Variants in RPS6KA5 observed in about 807,000 individuals in gnomAD.
The protein encoded by RPS6KA5 is ribosomal protein S6 kinase alpha-5.
RPS6KA5 carries 27 observed loss-of-function variants against 85.5 expected under a neutral mutation model. The observed-to-expected ratio is 0.32, with a 90% CI of 0.23 to 0.44. RPS6KA5 has a LOEUF of 0.44. Among genes scored for constraint, RPS6KA5 ranks in the 20% least tolerant of loss-of-function variants. RPS6KA5 has a pLI of 1.00. For synonymous variants in RPS6KA5, 334 were observed against 348.2 expected (o/e 0.96, Z 0.46); for missense variants, 811 against 980.9 (o/e 0.83, Z 2.31).
At chr14:91,008,312 C>T (rs1441107585) in intron 1 of RPS6KA5, among the ~76,000 whole-genome samples, 2 of 152,190 alleles carry the variant, frequency 1.3e-5, no homozygotes, top group Non-Finnish European at 2.9e-5. Context: ...ACAGTATATG[C>T]TAAGGCACTC....
At chr14:90,933,345 C>T (rs1243418538) in intron 5 of RPS6KA5, among the ~76,000 whole-genome samples, 10 of 152,108 alleles carry the variant, frequency 6.6e-5, no homozygotes, top group Admixed American at 6.5e-4. Context: ...CCTCTTGTAA[C>T]CCCAGATAGC....
intron 3 of RPS6KA5, among the ~76,000 whole-genome samples, chr14:90,952,222 G>A (rs2038233989): frequency 1.3e-5 from 2 of 152,144 alleles, no homozygotes; most frequent in Admixed American, 1.3e-4. Context: ...CTATTAGTGG[G>A]AAATATCAAA....
chr14:90,902,366 T>G (rs1425386809), intron 9 of RPS6KA5, among the ~76,000 whole-genome samples: 1 of 151,916 alleles, frequency 6.6e-6, no homozygotes, highest in East Asian at 1.9e-4. Flanking sequence ...GCACCTGTGG[T>G]CTCAGCTATC....
At chr14:90,895,793 G>A (rs1007239883) in intron 12 of RPS6KA5, among the ~76,000 whole-genome samples, 2 of 152,208 alleles carry the variant, frequency 1.3e-5, no homozygotes, top group Admixed American at 6.5e-5. Context: ...AGGAGGCTGA[G>A]GTGGGAGAAT....
chr14:90,945,808 A>G (rs2037841805), intron 4 of RPS6KA5, among the ~76,000 whole-genome samples: 1 of 152,090 alleles, frequency 6.6e-6, no homozygotes, highest in South Asian at 2.1e-4. Context: ...TTCAACACCA[A>G]CCTAGGCAAT....
intron 5 of RPS6KA5, among the ~76,000 whole-genome samples, chr14:90,924,186 A>T (rs190655788): frequency 6.6e-6 from 1 of 152,122 alleles, no homozygotes; most frequent in Non-Finnish European, 1.5e-5. Flanking sequence ...AAAGACAAAC[A>T]TCTCTTAATT....
At chr14:91,007,721 G>A (rs1403752985) in intron 1 of RPS6KA5, among the ~76,000 whole-genome samples, 2 of 122,908 alleles carry the variant, frequency 1.6e-5, no homozygotes, top group East Asian at 2.4e-4. Flanking sequence ...TTTTTTTTTT[G>A]GTAGTAGCCA....
rs1039578325 is a variant in RPS6KA5, at chr14:90,856,372, T to C, written c.*15702A>G. On this transcript the variant is annotated 3_prime_UTR_variant, in exon 17 of 17. Coordinates refer to ENST00000614987, the MANE Select transcript of RPS6KA5 (RefSeq NM_004755.4). Reference sequence around the variant, plus strand: ...CTAGCTATGCGTGATTTTTTTTTTTTTTTTTTTTGAGACGGAGTTTCACTC... The same window carrying C: ...CTAGCTATGCGTGATTTTTTTTTTTCTTTTTTTTGAGACGGAGTTTCACTC... 1 of 158,534 alleles carries C rather than the reference T, an allele frequency of 6.3e-6. No homozygotes were observed. Among genetic ancestry groups the C allele is most frequent in the African/African-American group, 2.4e-5 (1 of 41,048 alleles). The allele number at this position is 158,534 out of a possible 1,614,324, so 9.8% of individuals were successfully genotyped here.
intron 14 of RPS6KA5, among the ~76,000 whole-genome samples, chr14:90,878,623 G>A (rs950817591): frequency 1.3e-5 from 2 of 152,144 alleles, no homozygotes; most frequent in African/African-American, 2.4e-5. Flanking sequence ...TCCTCATTCC[G>A]CAGAAGTGGA....
intron 1 of RPS6KA5, among the ~76,000 whole-genome samples, chr14:91,013,905 T>G (rs2139757616): frequency 6.6e-6 from 1 of 152,332 alleles, no homozygotes; most frequent in South Asian, 2.1e-4. Flanking sequence ...TTCCTCAATA[T>G]GTATTCACTA....
rs1223500295 is a variant in RPS6KA5, at chr14:90,897,527, G to T, written c.1473+1802C>A. ...TTAGTTGAAGAAAAGACTGGATACA[G>T]GGATGATCTAGGCAACTGTGCCACC... On this transcript the variant is annotated intron_variant, in intron 12 of 16. Coordinates refer to ENST00000614987, the MANE Select transcript of RPS6KA5 (RefSeq NM_004755.4). Among the ~76,000 whole-genome samples the T allele has an allele frequency of 2.6e-5, 4 of 152,246 alleles. No homozygotes were observed. The East Asian group carries it at 7.7e-4, about 29-fold the overall frequency.
chr14:90,953,365 T>C (rs956652406), intron 3 of RPS6KA5, among the ~76,000 whole-genome samples: 2 of 152,206 alleles, frequency 1.3e-5, no homozygotes, highest in African/African-American at 2.4e-5. Flanking sequence ...GTTATCTTTG[T>C]AAGATGAGGA....
At position 90,872,040 on chromosome 14, in the gene RPS6KA5, G is replaced by T; in HGVS notation, c.*34C>A. On this transcript the variant is annotated 3_prime_UTR_variant, in exon 17 of 17. Coordinates refer to ENST00000614987, the MANE Select transcript of RPS6KA5 (RefSeq NM_004755.4). ...CTCAGGCATATGCTGAGGGAATAAA[G>T]GTGCAATGGATCACTGATACACTCC... is the stretch of plus-strand genomic sequence containing the variant. 6.3e-7 allele frequency: 1 copy of T among 1,586,578 alleles called. No individual in the cohort carries two copies. Among genetic ancestry groups the T allele is most frequent in the Non-Finnish European group, 8.6e-7 (1 of 1,168,638 alleles).
chr14:90,885,552 C>CAAAAAAA lies in RPS6KA5; in HGVS notation c.1836+4928_1836+4934dup, dbSNP rs780292114. On this transcript the variant is annotated intron_variant, in intron 14 of 16. Coordinates refer to ENST00000614987, the MANE Select transcript of RPS6KA5 (RefSeq NM_004755.4). Reference sequence around the variant, plus strand: ...TGGGCGACAGAGCGAGACTCCGTCTCAAAAAAAAAAAAAAAAAAAAAAAAA... The same window carrying CAAAAAAA: ...TGGGCGACAGAGCGAGACTCCGTCTCAAAAAAAAAAAAAAAAAAAAAAAAAAAAAAAA... 1.4e-3 allele frequency among the ~76,000 whole-genome samples: 28 copies of CAAAAAAA among 19,876 alleles called. 2 individuals are homozygous for CAAAAAAA. The highest frequency in any genetic ancestry group is 3.7e-3 in the African/African-American group (9 of 2,418). The allele number at this position is 19,876 out of a possible 152,430, so 13.0% of individuals were successfully genotyped here.
intron 14 of RPS6KA5, among the ~76,000 whole-genome samples, chr14:90,889,687 T>G (rs183426756): frequency 1.3e-4 from 20 of 152,206 alleles, no homozygotes; most frequent in Admixed American, 9.2e-4. Flanking sequence ...TTTCAGAGAC[T>G]CAAAATACAG....
chr14:90,914,309 G>GAT (rs568470589), intron 7 of RPS6KA5, among the ~76,000 whole-genome samples: 1 of 81,520 alleles, frequency 1.2e-5, no homozygotes, highest in African/African-American at 4.9e-5. Flanking sequence ...GATCCCTAGG[G>GAT]TTTTTTTTTT....
chr14:91,059,043 C>G (rs1212759397), intron 1 of RPS6KA5, among the ~76,000 whole-genome samples: 1 of 152,142 alleles, frequency 6.6e-6, no homozygotes, highest in Non-Finnish European at 1.5e-5. Context: ...TAAATAATAA[C>G]CCGGCCGGGC....
In RPS6KA5 at chr14:90,847,929, T is replaced by A. The variant is rs1196124964; in HGVS notation, c.*24145A>T. On this transcript the variant is annotated 3_prime_UTR_variant, in exon 17 of 17. Coordinates refer to ENST00000614987, the MANE Select transcript of RPS6KA5 (RefSeq NM_004755.4). ...AAATACATCTTTACACACACACAAG[T>A]TGGTAAAAAGTAAGCCCTTACTGCT... is the stretch of plus-strand genomic sequence containing the variant. The A allele has an allele frequency of 6.6e-6, 1 of 152,200 alleles. No homozygotes were observed. The highest frequency in any genetic ancestry group is 1.5e-5 in the Non-Finnish European group (1 of 68,032). The allele number at this position is 152,200 out of a possible 1,614,324, so 9.4% of individuals were successfully genotyped here. A position where few individuals can be genotyped will look rare whatever the true frequency, so the allele number is the denominator to read the frequency against.
intron 3 of RPS6KA5, among the ~76,000 whole-genome samples, chr14:90,973,961 C>T (rs1179632331): frequency 7.5e-6 from 1 of 133,464 alleles, no homozygotes; most frequent in Non-Finnish European, 1.5e-5. Flanking sequence ...TCACTTGAAC[C>T]CAGGAGGTGG....
Sources: gnomAD v4.1 joint callset for allele counts (sites outside exome capture counted in the v4.1 genomes callset) on GRCh38, gnomAD v4.1.1 for gene constraint, MANE v1.5 for transcripts, NCBI Gene and HGNC (gene_info 2026-07-23, HGNC 2026-07-21) for gene names.